CEMIP: variants seen among roughly 807,000 people sequenced by gnomAD.
CEMIP encodes the protein cell migration-inducing and hyaluronan-binding protein.
CEMIP carries 105 observed loss-of-function variants against 156.9 expected under a neutral mutation model. That is an observed-to-expected ratio of 0.67 (90% CI 0.57 to 0.79). The LOEUF (loss-of-function observed/expected upper bound fraction) is 0.79, where lower values mean the gene tolerates loss of function less well. Ranked by LOEUF, CEMIP falls within the 30% of genes least tolerant of loss-of-function variation. The pLI is 0.00. For synonymous variants in CEMIP, 676 were observed against 668.4 expected (o/e 1.01, Z -0.17); for missense variants, 1,457 against 1,769.4 (o/e 0.82, Z 3.17).
In CEMIP at chr15:80,943,008, CA is replaced by C; in HGVS notation, c.3765del (p.Arg1257AlafsTer3). The C allele has an allele frequency of 6.2e-7, 1 of 1,614,208 alleles. No individual in the cohort carries two copies. Among genetic ancestry groups the C allele is most frequent in the Non-Finnish European group, 8.5e-7 (1 of 1,180,036 alleles). On this transcript the variant is annotated frameshift_variant, in exon 28 of 30. Transcript: ENST00000394685. LOFTEE classifies it high-confidence loss of function. ...GIQVVVIDGN[Q>X]GRVVSHTSFR... is the part of the protein sequence containing the mutation. ...CCAGGTGGTGGTGATTGACGGGAAC[CA>C]AGGGCGCGTGGTGAGCCACACGAGC...
At chr15:80,803,271 T>C (rs1281989708) in intron 1 of CEMIP, among the ~76,000 whole-genome samples, 4 of 152,194 alleles carry the variant, frequency 2.6e-5, no homozygotes, top group African/African-American at 9.6e-5. Context: ...AAGGAGGTTA[T>C]TGGGACAGCA....
chr15:80,949,246 C>T lies in CEMIP; in HGVS notation c.*322C>T. ...ACCATATCAGGAGACCTGGGTTGTG[C>T]TGACAGCAAAGATCCACTTTGGCAG... On this transcript the variant is annotated 3_prime_UTR_variant, in exon 30 of 30. Transcript: ENST00000394685. 1 of 407,798 alleles carries T rather than the reference C, an allele frequency of 2.5e-6. No individual in the cohort carries two copies. 25.3% of individuals were successfully genotyped at this position (407,798 alleles called of 1,614,324 possible).
Position 80,924,612 on chromosome 15 carries a change from TC to T in CEMIP, c.2203-6del. 1 of 1,613,790 alleles carries T rather than the reference TC, an allele frequency of 6.2e-7. No homozygotes were observed. The highest frequency in any genetic ancestry group is 8.5e-7 in the Non-Finnish European group (1 of 1,179,724). ...AACTAATGTGTCCCTGAATATCTCT[TC>T]CCTGCAGGCTGGCATGATCATAGAC... On this transcript the variant is annotated splice_region_variant and splice_polypyrimidine_tract_variant and intron_variant, in intron 17 of 29. Transcript: ENST00000394685.
At chr15:80,802,652 T>C (rs1444610320) in intron 1 of CEMIP, among the ~76,000 whole-genome samples, 1 of 152,238 alleles carries the variant, frequency 6.6e-6, no homozygotes, top group Non-Finnish European at 1.5e-5. Flanking sequence ...TATGTTTGAA[T>C]GACTGAAATA....
chr15:80,841,020 C>T (rs928849540), intron 1 of CEMIP, among the ~76,000 whole-genome samples: 7 of 152,164 alleles, frequency 4.6e-5, no homozygotes, highest in African/African-American at 4.8e-5. Flanking sequence ...CCTGGAGCCA[C>T]GGCCAGGGAC....
chr15:80,814,815 C>T (rs1037391032), intron 1 of CEMIP, among the ~76,000 whole-genome samples: 11 of 152,220 alleles, frequency 7.2e-5, no homozygotes, highest in African/African-American at 2.4e-4. Context: ...TTATTTCCTC[C>T]TCCCCATGCA....
chr15:80,941,783 G>C, intron 25 of CEMIP, 66 bp from the exon 26 acceptor site: 1 of 1,434,942 alleles, frequency 7.0e-7, no homozygotes, highest in Non-Finnish European at 9.7e-7. Context: ...ATGTCTCGGT[G>C]GGTGGGAGGA....
At chr15:80,832,216 T>C (rs1167342835) in intron 1 of CEMIP, among the ~76,000 whole-genome samples, 1 of 152,228 alleles carries the variant, frequency 6.6e-6, no homozygotes, top group Admixed American at 6.5e-5. Flanking sequence ...TGAATTTATA[T>C]TGCTACAGCC....
chr15:80,816,488 C>G (rs1379667543), intron 1 of CEMIP, among the ~76,000 whole-genome samples: 1 of 152,162 alleles, frequency 6.6e-6, no homozygotes, highest in Non-Finnish European at 1.5e-5. Flanking sequence ...CATTTCTGCA[C>G]CACCTGGGCC....
chr15:80,792,342 T>C (rs961711257), intron 1 of CEMIP, among the ~76,000 whole-genome samples: 8 of 152,214 alleles, frequency 5.3e-5, no homozygotes, highest in African/African-American at 1.4e-4. Context: ...CTACTTTATA[T>C]CTTCCTTGGG....
In CEMIP at chr15:80,884,261, C is replaced by T. The variant is rs772472795; in HGVS notation, c.704C>T (p.Ala235Val). The T allele has an allele frequency of 1.2e-5, 20 of 1,614,102 alleles. No homozygotes were observed. The South Asian group carries it at 1.3e-4, about 11-fold the overall frequency. Reference sequence around the variant, plus strand: ...CCCGATGGCAGGATCCTTTCTGTTGCAGTGAATGATGAAGGTTCTCGAAAT... The same window carrying T: ...CCCGATGGCAGGATCCTTTCTGTTGTAGTGAATGATGAAGGTTCTCGAAAT... ...AVPDGRILSV[A>V]VNDEGSRNLD... The change falls in exon 7 of 30, where the codon GCA becomes GTA. Residue 235 changes from alanine (A) to valine (V), a missense_variant. Physicochemically the swap from Ala to Val is moderately conservative, Grantham distance 64 (BLOSUM62 0). Around this residue, in one of 5 missense-constraint regions of CEMIP, gnomAD observed 309 missense variants for 340.8 expected, o/e 0.91. Coordinates refer to ENST00000394685, the MANE Select transcript of CEMIP (RefSeq NM_001293298.2).
chr15:80,860,234 CAT>C (rs1897952727), intron 1 of CEMIP, among the ~76,000 whole-genome samples: 1 of 152,206 alleles, frequency 6.6e-6, no homozygotes, highest in Non-Finnish European at 1.5e-5. Flanking sequence ...CAGAGCCACA[CAT>C]AGAACCACTC....
rs1901710838 is a variant in CEMIP, at chr15:80,949,208, TG to T, written c.*289del. On this transcript the variant is annotated 3_prime_UTR_variant, in exon 30 of 30. Transcript: ENST00000394685. ...TTCTCTCCTATCTGTGCCTCTTCAG[TG>T]GGGGTTTGGGGACCATATCAGGAGA... The T allele has an allele frequency of 6.5e-6, 3 of 461,976 alleles. No homozygotes were observed. Among genetic ancestry groups the T allele is most frequent in the Admixed American group, 3.4e-5 (1 of 29,650 alleles). 28.6% of individuals were successfully genotyped at this position (461,976 alleles called of 1,614,324 possible). A position where few individuals can be genotyped will look rare whatever the true frequency, so the allele number is the denominator to read the frequency against.
chr15:80,882,331 T>C (rs1398651059), intron 6 of CEMIP, among the ~76,000 whole-genome samples: 1 of 152,236 alleles, frequency 6.6e-6, no homozygotes, highest in Admixed American at 6.5e-5. Flanking sequence ...TTATCTACCT[T>C]GTAGAGATGA....
chr15:80,893,307 T>C (rs1899097502), intron 10 of CEMIP, among the ~76,000 whole-genome samples: 1 of 152,154 alleles, frequency 6.6e-6, no homozygotes, highest in Non-Finnish European at 1.5e-5. Context: ...AACTCAAGTC[T>C]ACTTAAAGAT....
At chr15:80,873,184 T>C (rs994895111) in intron 1 of CEMIP, among the ~76,000 whole-genome samples, 6 of 152,200 alleles carry the variant, frequency 3.9e-5, no homozygotes, top group Non-Finnish European at 5.9e-5. Flanking sequence ...TAGGTAGCCA[T>C]GTGCCCAGAT....
chr15:80,900,967 T>C (rs1402977188), intron 12 of CEMIP: 1 of 455,896 alleles, frequency 2.2e-6, no homozygotes, highest in East Asian at 7.0e-5. Flanking sequence ...AAGGCCTTTC[T>C]GATGGGAAAC....
intron 12 of CEMIP, among the ~76,000 whole-genome samples, chr15:80,896,759 G>T (rs1899241957): frequency 6.6e-6 from 1 of 152,226 alleles, no homozygotes; most frequent in Non-Finnish European, 1.5e-5. Context: ...GTTAGCAACA[G>T]AATCCAACTT....
At chr15:80,803,052 G>A (rs1896418642) in intron 1 of CEMIP, among the ~76,000 whole-genome samples, 1 of 152,150 alleles carries the variant, frequency 6.6e-6, no homozygotes, top group African/African-American at 2.4e-5. Flanking sequence ...GGGCTCTGGA[G>A]GGCTCCTAAA....
Sources: gnomAD v4.1 joint callset for allele counts (sites outside exome capture counted in the v4.1 genomes callset) on GRCh38, gnomAD v4.1.1 for gene constraint, gnomAD v4.1.1 regional missense constraint, MANE v1.5 for transcripts, NCBI Gene and HGNC (gene_info 2026-07-23, HGNC 2026-07-21) for gene names.